DSG3: variants seen among roughly 807,000 people sequenced by gnomAD.
DSG3 encodes desmoglein-3.
A neutral mutation model predicts 85.9 loss-of-function variants in DSG3; 63 were observed. The observed-to-expected ratio is 0.73, with a 90% confidence interval of 0.60 to 0.90. The LOEUF (loss-of-function observed/expected upper bound fraction) is 0.90, where lower values mean the gene tolerates loss of function less well. DSG3 is among the 40% of genes least tolerant of loss of function. The pLI, the probability that DSG3 is intolerant of heterozygous loss-of-function variation, is 0.00. For missense variants in DSG3, 1,220 were observed against 1,219.9 expected, an observed-to-expected ratio of 1.00 and a Z score of 0.00; for synonymous variants, 447 against 441.9, an observed-to-expected ratio of 1.01 and a Z score of -0.14.
intron 13 of DSG3, 127 bp downstream of exon 13, chr18:31,472,550 G>A: frequency 1.5e-6 from 2 of 1,294,950 alleles, no homozygotes; most frequent in Non-Finnish European, 2.1e-6. Flanking sequence ...TGAATAGATG[G>A]AGGCTTTTAG....
At chr18:31,462,948 T>A (rs2072795332) in intron 8 of DSG3, among the ~76,000 whole-genome samples, 1 of 152,208 alleles carries the variant, frequency 6.6e-6, no homozygotes, top group South Asian at 2.1e-4. Flanking sequence ...TCAAGTTACC[T>A]GCAACTTTCC....
At chr18:31,460,033 AAC>A in intron 6 of DSG3, 22 bp downstream of exon 6, 1 of 1,595,184 alleles carries the variant, frequency 6.3e-7, no homozygotes, top group Non-Finnish European at 8.5e-7. Context: ...CACTTGGGGG[AAC>A]ATTCAAGATT....
Position 31,466,617 on chromosome 18 carries a change from A to T in DSG3, c.1499A>T (p.Asp500Val), listed in dbSNP as rs2072820430. The part of the protein sequence containing the change: ...DNCPTAVLEK[D>V]AVCSSSPSVV... ...TGTCCAACAGCTGTCCTCGAAAAAGATGCAGTTTGCAGTTCTTCACCTTCC... is the reference window on the plus strand; with the variant it reads ...TGTCCAACAGCTGTCCTCGAAAAAGTTGCAGTTTGCAGTTCTTCACCTTCC... The change falls in exon 11 of 16, where the codon GAT becomes GTT. Residue 500 changes from aspartate to valine, a missense_variant. By Grantham distance (152) the Asp-to-Val change is radical (BLOSUM62 -3). Transcript: ENST00000257189. 6 of 1,614,250 alleles carry T rather than the reference A, an allele frequency of 3.7e-6. No individual in the cohort carries two copies. Among genetic ancestry groups the T allele is most frequent in the East Asian group, 2.2e-5 (1 of 44,880 alleles).
At position 31,460,898 on chromosome 18, in the gene DSG3, A is replaced by G. The variant is rs376604598; in HGVS notation, c.750A>G (p.Gln250=). 5 of 1,605,554 alleles carry G rather than the reference A, an allele frequency of 3.1e-6. No individual in the cohort carries two copies. Among genetic ancestry groups the G allele is most frequent in the Admixed American group, 1.7e-5 (1 of 58,060 alleles). Residue 250 remains glutamine, a synonymous_variant, in exon 7 of 16, where the codon CAA becomes CAG. Coordinates refer to ENST00000257189, the MANE Select transcript of DSG3 (RefSeq NM_001944.3). ...AAGATGGAGAAGGACTATCAACTCA[A>G]TGTGAATGTAATATTAAAGTGAAAG... is the stretch of plus-strand genomic sequence containing the variant. ...ADKDGEGLST[Q]CECNIKVKDV...
intron 9 of DSG3, among the ~76,000 whole-genome samples, chr18:31,464,849 A>T (rs977922818): frequency 1.3e-5 from 2 of 152,180 alleles, no homozygotes; most frequent in African/African-American, 4.8e-5. Flanking sequence ...AGAATTATGA[A>T]ATATGGGCCT....
Position 31,476,175 on chromosome 18 carries a change from T to A in DSG3, c.2915T>A (p.Val972Asp), listed in dbSNP as rs745583896. ...AGGGTGATCTGTCCCATTTCCAGTG[T>A]TCCTGGCAACCTAGCTGGCCCAACG... ...TERVICPISS[V>D]PGNLAGPTQL... is the part of the protein sequence containing the mutation. Residue 972 changes from valine to aspartate, a missense_variant, in exon 16 of 16, where the codon GTT (valine) becomes GAT (aspartate). Coordinates refer to ENST00000257189, the MANE Select transcript of DSG3 (RefSeq NM_001944.3). The A allele has an allele frequency of 3.7e-6, 6 of 1,614,090 alleles. No homozygotes were observed. The highest frequency in any genetic ancestry group is 1.7e-5 in the Admixed American group (1 of 60,002).
At chr18:31,449,670 C>T (rs1273960890) in intron 1 of DSG3, among the ~76,000 whole-genome samples, 3 of 152,132 alleles carry the variant, frequency 2.0e-5, no homozygotes, top group African/African-American at 7.2e-5. Flanking sequence ...AAAAAACCCC[C>T]GCACAATGTC....
rs1453771414 is a variant in DSG3, at chr18:31,461,246, A to C, written c.833A>C (p.Glu278Ala). ...RDSQYSARIE[E>A]NILSSELLRF... ...TTTCAGTATTCAGCACGTATTGAAG[A>C]AAATATTTTAAGTTCTGAATTACTT... Residue 278 changes from glutamate to alanine, a missense_variant, in exon 8 of 16, where the codon GAA becomes GCA. By Grantham distance (107) the Glu-to-Ala change is moderately radical. Transcript: ENST00000257189. The C allele has an allele frequency of 3.7e-6, 6 of 1,613,078 alleles. No homozygotes were observed. The Admixed American group carries it at 1.0e-4, about 27-fold the overall frequency.
intron 1 of DSG3, among the ~76,000 whole-genome samples, chr18:31,448,745 T>C (rs1316413672): frequency 6.6e-6 from 1 of 151,846 alleles, no homozygotes; most frequent in Admixed American, 6.6e-5. Flanking sequence ...GTCAAAACAA[T>C]TCCTAATGCT....
At chr18:31,465,828 T>C (rs1268623112) in intron 10 of DSG3, among the ~76,000 whole-genome samples, 1 of 152,212 alleles carries the variant, frequency 6.6e-6, no homozygotes, top group Non-Finnish European at 1.5e-5. Flanking sequence ...AGAGACCTCA[T>C]GTACTTTTAT....
intron 8 of DSG3, among the ~76,000 whole-genome samples, chr18:31,462,375 G>C (rs951113316): frequency 1.3e-5 from 2 of 152,126 alleles, no homozygotes; most frequent in African/African-American, 4.8e-5. Context: ...TCTGGCCCTT[G>C]GTACAGCATT....
chr18:31,472,877 T>C, intron 14 of DSG3, 89 bp downstream of exon 14: 2 of 1,246,650 alleles, frequency 1.6e-6, no homozygotes, highest in Non-Finnish European at 2.3e-6. Flanking sequence ...TTCTTAATAA[T>C]TTGCATCTGT....
In DSG3 at chr18:31,477,280, C is replaced by T. The variant is rs1037446898; in HGVS notation, c.*1020C>T. 2.0e-5 allele frequency: 3 copies of T among 152,156 alleles called. No homozygotes were observed. The highest frequency in any genetic ancestry group is 3.8e-4 in the East Asian group (2 of 5,196). 9.4% of individuals were successfully genotyped at this position (152,156 alleles called of 1,614,324 possible). A position where few individuals can be genotyped will look rare whatever the true frequency, so the allele number is the denominator to read the frequency against. ...TCCAAAGAAAATATTTTACACTGAGCTCCTTCCTACACGTCTCAGTAACAG... is the reference window on the plus strand; with the variant it reads ...TCCAAAGAAAATATTTTACACTGAGTTCCTTCCTACACGTCTCAGTAACAG... On this transcript the variant is annotated 3_prime_UTR_variant, in exon 16 of 16. Transcript: ENST00000257189.
intron 14 of DSG3, 143 bp downstream of exon 14, chr18:31,472,931 G>A (rs1305749260): frequency 2.8e-6 from 2 of 711,378 alleles, no homozygotes; most frequent in Non-Finnish European, 2.3e-6. Context: ...GAGAAAAGCT[G>A]TTTTAATATT....
chr18:31,466,996 A>G (rs2072825528), intron 11 of DSG3, among the ~76,000 whole-genome samples: 1 of 152,154 alleles, frequency 6.6e-6, no homozygotes, highest in South Asian at 2.1e-4. Context: ...ATATTTTAAC[A>G]TTTTAAATCT....
chr18:31,457,172 A>AG, intron 3 of DSG3, 48 bp downstream of exon 3: 1 of 1,566,578 alleles, frequency 6.4e-7, no homozygotes. Context: ...TAAATGTATA[A>AG]GGTGTAAATT....
At chr18:31,459,271 C>G in intron 5 of DSG3, 94 bp downstream of exon 5, 1 of 1,199,714 alleles carries the variant, frequency 8.3e-7, no homozygotes, top group Non-Finnish European at 1.2e-6. Context: ...AATTTATGCT[C>G]TTAGTTTAAT....
At chr18:31,463,561 A>G (rs914621587) in intron 8 of DSG3, among the ~76,000 whole-genome samples, 1 of 152,204 alleles carries the variant, frequency 6.6e-6, no homozygotes, top group Non-Finnish European at 1.5e-5. Context: ...ATGAGTCCAC[A>G]AAGAGTTTGC....
In DSG3 at chr18:31,465,353, T is replaced by C; in HGVS notation, c.1307T>C (p.Met436Thr). The C allele has an allele frequency of 1.3e-6, 2 of 1,538,466 alleles. No homozygotes were observed. The highest frequency in any genetic ancestry group is 1.7e-6 in the Non-Finnish European group (2 of 1,143,112). ...VMGRNDGGYLMIDSKTAEIKF... is the reference protein window; with the variant it reads ...VMGRNDGGYLTIDSKTAEIKF... ...GGACGTAACGATGGTGGATACCTAATGATTGATTCAAAAACTGCTGAAATC... is the reference window on the plus strand; with the variant it reads ...GGACGTAACGATGGTGGATACCTAACGATTGATTCAAAAACTGCTGAAATC... The change falls in exon 10 of 16, where the codon ATG becomes ACG. Residue 436 changes from methionine to threonine, a missense_variant. By Grantham distance (81) the Met-to-Thr change is moderately conservative. Transcript: ENST00000257189.
Sources: gnomAD v4.1 joint callset for allele counts (sites outside exome capture counted in the v4.1 genomes callset) on GRCh38, gnomAD v4.1.1 for gene constraint, MANE v1.5 for transcripts, NCBI Gene and HGNC (gene_info 2026-07-23, HGNC 2026-07-21) for gene names.